Variants in SGK2 observed in about 807,000 individuals in gnomAD.
SGK2 encodes the protein serine/threonine-protein kinase Sgk2.
SGK2 carries 36 observed loss-of-function variants against 47.5 expected under a neutral mutation model. That is an observed-to-expected ratio of 0.76 (90% CI 0.58 to 1.00). The LOEUF (loss-of-function observed/expected upper bound fraction) is 1.00, where lower values mean the gene tolerates loss of function less well. Ranked by LOEUF, SGK2 falls within the 50% of genes least tolerant of loss-of-function variation. The pLI, the probability that SGK2 is intolerant of heterozygous loss-of-function variation, is 0.00. For synonymous variants in SGK2, 157 were observed against 181.9 expected, an observed-to-expected ratio of 0.86 and a Z score of 1.10; for missense variants, 404 against 467.4, an observed-to-expected ratio of 0.86 and a Z score of 1.25.
intron 1 of SGK2, chr20:43,564,749 CTG>C (rs2145529746): frequency 6.5e-6 from 1 of 152,730 alleles, no homozygotes; most frequent in East Asian, 1.9e-4. Flanking sequence ...ACCACACACA[CTG>C]AGATACAGTG....
chr20:43,583,433 C>T, intron 12 of SGK2: 16 of 1,192,060 alleles, frequency 1.3e-5, no homozygotes, highest in Non-Finnish European at 1.7e-5. Flanking sequence ...GGCCAGGATG[C>T]ACATTCTGAT....
Position 43,572,079 on chromosome 20 carries a change from T to A in SGK2, c.539T>A (p.Leu180His). Residue 180 changes from leucine (L) to histidine (H), a missense_variant, in exon 9 of 13, where the codon CTC becomes CAC. Leu to His is a moderately conservative substitution (Grantham distance 99). Coordinates refer to ENST00000373100, the MANE Select transcript of SGK2 (RefSeq NM_170693.3). This position sits in a 1 kb window ranked among gnomAD's most constrained non-coding sequence, Gnocchi z 4.2. ...QGHVVLTDFG[L>H]CKEGVEPEDT... ...CACGTGGTGCTGACGGATTTTGGCC[T>A]CTGCAAGGAAGGTGTAGAGCCTGAA... The A allele has an allele frequency of 2.6e-6, 4 of 1,549,862 alleles. No homozygotes were observed. The highest frequency in any genetic ancestry group is 3.5e-6 in the Non-Finnish European group (4 of 1,146,466).
chr20:43,579,876 G>T (rs1298841467), intron 11 of SGK2, 96 bp from the exon 12 acceptor site: 6 of 800,072 alleles, frequency 7.5e-6, no homozygotes, highest in South Asian at 1.4e-5. Flanking sequence ...TTGACAGCCA[G>T]TTGCTTGTGG....
intron 12 of SGK2, among the ~76,000 whole-genome samples, chr20:43,581,596 A>G (rs2145559822): frequency 6.6e-6 from 1 of 152,106 alleles, no homozygotes; most frequent in East Asian, 1.9e-4. Flanking sequence ...TCGATCGCCC[A>G]TGTTGGAGTG....
rs1487008658 is a variant in SGK2 at position 43,572,966 on chromosome 20, G to A, written c.597+829G>A. Among the ~76,000 whole-genome samples, 2 of 151,978 alleles carry A rather than the reference G, an allele frequency of 1.3e-5. No homozygotes were observed. The highest frequency in any genetic ancestry group is 2.1e-4 in the South Asian group (1 of 4,828). Reference sequence around the variant, plus strand: ...CACATTTGAAGTGTTCGATAGCCACGTGCAGCCAGTGGCTGCTATATTGTA... The same window carrying A: ...CACATTTGAAGTGTTCGATAGCCACATGCAGCCAGTGGCTGCTATATTGTA... On this transcript the variant is annotated intron_variant, in intron 9 of 12. Transcript: ENST00000373100. This position sits in a 1 kb window ranked among gnomAD's most constrained non-coding sequence, Gnocchi z 4.2.
rs1979960716 is a variant in SGK2 at position 43,569,447 on chromosome 20, G to A, written c.291G>A (p.Val97=). Residue 97 remains valine, a synonymous_variant, in exon 6 of 13, where the codon GTG becomes GTA. Transcript: ENST00000373100. The part of the protein sequence containing the change: ...LLKNVRHPFL[V]GLRYSFQTPE... Reference sequence around the variant, plus strand: ...AGAACGTGCGGCACCCCTTCCTCGTGGGCCTGCGCTACTCCTTCCAGACAC... The same window carrying A: ...AGAACGTGCGGCACCCCTTCCTCGTAGGCCTGCGCTACTCCTTCCAGACAC... 1 of 1,613,736 alleles carries A rather than the reference G, an allele frequency of 6.2e-7. No homozygotes were observed. The highest frequency in any genetic ancestry group is 1.3e-5 in the African/African-American group (1 of 74,870).
intron 7 of SGK2, 22 bp from the exon 8 acceptor site, chr20:43,571,002 T>C: frequency 6.2e-7 from 1 of 1,612,314 alleles, no homozygotes. Context: ...ACCTCAAGGC[T>C]GTTTTCTCTT....
At chr20:43,573,287 G>A (rs569040712) in intron 9 of SGK2, among the ~76,000 whole-genome samples, 4 of 152,234 alleles carry the variant, frequency 2.6e-5, no homozygotes, top group South Asian at 2.1e-4. Context: ...TCAGGAGTTC[G>A]ACACCAGCCT....
At chr20:43,572,000 C>A in intron 8 of SGK2, 51 bp from the exon 9 acceptor site, 1 of 1,361,150 alleles carries the variant, frequency 7.3e-7, no homozygotes, top group Non-Finnish European at 1.0e-6. Context: ...TAGGCCTGGC[C>A]ATACCCTTGG....
Position 43,580,070 on chromosome 20 carries a change from T to C in SGK2, c.939+9T>C. ...CCTTCAACCCAAATGTGGTAAGAGG[T>C]CACAGCATTCTAGACTCTGGATTTC... On this transcript the variant is annotated intron_variant, in intron 12 of 12. Transcript: ENST00000373100. The C allele has an allele frequency of 6.4e-7, 1 of 1,562,188 alleles. No homozygotes were observed. The highest frequency in any genetic ancestry group is 8.7e-7 in the Non-Finnish European group (1 of 1,145,284).
rs1980430710 is a variant in SGK2 at position 43,575,845 on chromosome 20, CT to C, written c.694-377del. On this transcript the variant is annotated intron_variant, in intron 10 of 12. Transcript: ENST00000373100. ...TGGATATGGTTTGGGGCCTGGCTGTCTTCCTAACTGTGCCACATAATTGCTC... is the reference window on the plus strand; with the variant it reads ...TGGATATGGTTTGGGGCCTGGCTGTCTCCTAACTGTGCCACATAATTGCTC... Among the ~76,000 whole-genome samples, 3 of 152,168 alleles carry C rather than the reference CT, an allele frequency of 2.0e-5. No individual in the cohort carries two copies. The South Asian group carries it at 6.2e-4, about 32-fold the overall frequency.
chr20:43,569,619 T>A, intron 6 of SGK2, 103 bp downstream of exon 6: 1 of 1,380,982 alleles, frequency 7.2e-7, no homozygotes, highest in Non-Finnish European at 9.9e-7. Context: ...TCTCACTTCA[T>A]CTTACAATAG....
chr20:43,577,077 G>T (rs1206339834), intron 11 of SGK2, among the ~76,000 whole-genome samples: 1 of 152,148 alleles, frequency 6.6e-6, no homozygotes, highest in Non-Finnish European at 1.5e-5. Flanking sequence ...TGGGAGGGGG[G>T]GCAAATTAAT....
In SGK2 at chr20:43,585,053, T is replaced by C. The variant is rs1258510960; in HGVS notation, c.*37T>C. 1 of 1,582,808 alleles carries C rather than the reference T, an allele frequency of 6.3e-7. No homozygotes were observed. Among genetic ancestry groups the C allele is most frequent in the Admixed American group, 1.7e-5 (1 of 57,232 alleles). On this transcript the variant is annotated 3_prime_UTR_variant, in exon 13 of 13. Coordinates refer to ENST00000373100, the MANE Select transcript of SGK2 (RefSeq NM_170693.3). ...CTGTGAAACTACTGAGGCCAGCTGG[T>C]ATTAGTAAGGAATTACCTTCAGCTG...
chr20:43,579,882 T>G (rs2301483), intron 11 of SGK2, 90 bp from the exon 12 acceptor site: 707,728 of 815,848 alleles, frequency 0.87, 307,385 homozygotes, highest in Middle Eastern at 0.92. Flanking sequence ...GCCAGTTGCT[T>G]GTGGAGCTCT....
At chr20:43,561,234 G>A (rs965207512) in intron 1 of SGK2, among the ~76,000 whole-genome samples, 6 of 152,232 alleles carry the variant, frequency 3.9e-5, no homozygotes, top group African/African-American at 1.2e-4. Flanking sequence ...GCAAGGGGCT[G>A]GAGGCCAGAG....
chr20:43,579,006 G>A (rs1980629325), intron 11 of SGK2, among the ~76,000 whole-genome samples: 1 of 150,092 alleles, frequency 6.7e-6, no homozygotes, highest in Admixed American at 6.6e-5. Flanking sequence ...GCATTCTTTC[G>A]GAGGCTTTTT....
chr20:43,569,276 G>A, intron 5 of SGK2, 109 bp from the exon 6 acceptor site: 3 of 1,413,242 alleles, frequency 2.1e-6, no homozygotes, highest in Non-Finnish European at 2.9e-6. Flanking sequence ...AGGGGCATGA[G>A]AAAGTCCTGG....
intron 1 of SGK2, 174 bp from the exon 2 acceptor site, chr20:43,566,299 C>A (rs746420535): frequency 1.9e-6 from 3 of 1,586,192 alleles, no homozygotes; most frequent in South Asian, 1.1e-5. Context: ...CAGGGGATAT[C>A]ATTTCTTGTT....
Sources: gnomAD v4.1 joint callset for allele counts (sites outside exome capture counted in the v4.1 genomes callset) on GRCh38, gnomAD v4.1.1 for gene constraint, Gnocchi (gnomAD v3.1) non-coding constraint, MANE v1.5 for transcripts, NCBI Gene and HGNC (gene_info 2026-07-23, HGNC 2026-07-21) for gene names.